Variants in PAPOLG observed in about 807,000 individuals in gnomAD.
The protein encoded by PAPOLG is PAP-gamma.
A neutral mutation model predicts 99.0 loss-of-function variants in PAPOLG; 40 were observed. The ratio of observed to expected loss-of-function variants is 0.40; its 90% CI spans 0.31 to 0.53. The LOEUF (loss-of-function observed/expected upper bound fraction) is 0.53. Among genes scored for constraint, PAPOLG ranks in the 20% least tolerant of loss-of-function variants. The pLI, the probability that PAPOLG is intolerant of heterozygous loss-of-function variation, is 0.41. For synonymous variants in PAPOLG, 310 were observed against 299.3 expected, an observed-to-expected ratio of 1.04 and a Z score of -0.37; for missense variants, 675 against 884.1, an observed-to-expected ratio of 0.76 and a Z score of 3.00.
At chr2:60,761,962 A>C (rs1670533518) in intron 3 of PAPOLG, among the ~76,000 whole-genome samples, 155 bp downstream of exon 3, 1 of 152,206 alleles carries the variant, frequency 6.6e-6, no homozygotes, top group South Asian at 2.1e-4. Flanking sequence ...TTGAATTTCT[A>C]AGTAGATGAG....
chr2:60,781,217 C>T (rs982659293), intron 10 of PAPOLG, among the ~76,000 whole-genome samples: 27 of 152,006 alleles, frequency 1.8e-4, no homozygotes, highest in African/African-American at 5.1e-4. Context: ...ATTAGCCGGG[C>T]GTGGTGGTGC....
At chr2:60,783,669 C>T (rs913049921) in intron 13 of PAPOLG, among the ~76,000 whole-genome samples, 1 of 151,062 alleles carries the variant, frequency 6.6e-6, no homozygotes, top group Non-Finnish European at 1.5e-5. Context: ...CACTTCTATG[C>T]CCTGTGGCTA....
Position 60,771,578 on chromosome 2 carries a change from A to C in PAPOLG, c.552A>C (p.Arg184Ser), listed in dbSNP as rs1424728337. The change falls in exon 7 of 22, where the codon AGA becomes AGC. Residue 184 changes from arginine to serine, a missense_variant. Arg to Ser is a moderately radical substitution (Grantham distance 110). This residue lies in a region of PAPOLG where 113 missense variants were observed against 231.5 expected (regional missense o/e 0.49). Transcript: ENST00000238714. The part of the protein sequence containing the change: ...IQTISDNLDL[R>S]DDSRLRSLDI... ...CCATATCAGATAATTTAGATCTAAGAGACGACTCTCGCCTGAGAAGCCTTG... is the reference window on the plus strand; with the variant it reads ...CCATATCAGATAATTTAGATCTAAGCGACGACTCTCGCCTGAGAAGCCTTG... The C allele has an allele frequency of 6.2e-7, 1 of 1,608,906 alleles. No individual in the cohort carries two copies. Among genetic ancestry groups the C allele is most frequent in the African/African-American group, 1.3e-5 (1 of 74,502 alleles).
chr2:60,764,465 G>A (rs921048715), intron 3 of PAPOLG, among the ~76,000 whole-genome samples: 4 of 150,528 alleles, frequency 2.7e-5, no homozygotes, highest in African/African-American at 9.8e-5. Flanking sequence ...CACCCGGGCT[G>A]GAATGCAGTG....
intron 7 of PAPOLG, among the ~76,000 whole-genome samples, chr2:60,772,712 C>T (rs1670892332): frequency 6.6e-6 from 1 of 152,008 alleles, no homozygotes; most frequent in South Asian, 2.1e-4. Flanking sequence ...CATGCCACCA[C>T]AATCCAGCCA....
At chr2:60,771,818 A>T (rs1670859908) in intron 7 of PAPOLG, among the ~76,000 whole-genome samples, 188 bp downstream of exon 7, 1 of 152,180 alleles carries the variant, frequency 6.6e-6, no homozygotes, top group Non-Finnish European at 1.5e-5. Context: ...GGCTGTGTAT[A>T]TTTATATTAC....
chr2:60,772,915 TTTTTCTTTTC>T (rs565256680), intron 7 of PAPOLG, among the ~76,000 whole-genome samples: 31 of 152,154 alleles, frequency 2.0e-4, no homozygotes, highest in Admixed American at 1.6e-3. Flanking sequence ...CTCACTGGTC[TTTTTCTTTTC>T]TTTTCTTTTC....
chr2:60,777,626 T>C (rs1014309233), intron 8 of PAPOLG, among the ~76,000 whole-genome samples: 1 of 152,234 alleles, frequency 6.6e-6, no homozygotes, highest in Non-Finnish European at 1.5e-5. Context: ...ATCATAACTT[T>C]CAACATGCCT....
intron 6 of PAPOLG, 134 bp from the exon 7 acceptor site, chr2:60,771,385 A>G: frequency 1.0e-6 from 1 of 959,522 alleles, no homozygotes; most frequent in Non-Finnish European, 1.4e-6. Flanking sequence ...GACTGCCTAC[A>G]TAGGCCTATC....
intron 8 of PAPOLG, among the ~76,000 whole-genome samples, chr2:60,777,349 G>A (rs560212852): frequency 6.6e-6 from 1 of 152,206 alleles, no homozygotes; most frequent in South Asian, 2.1e-4. Flanking sequence ...CCAGCTACTC[G>A]GGAAGCTGAG....
chr2:60,778,216 A>G (rs552431124), intron 8 of PAPOLG, among the ~76,000 whole-genome samples: 7 of 152,294 alleles, frequency 4.6e-5, no homozygotes, highest in African/African-American at 1.7e-4. Flanking sequence ...GTGCAATTAT[A>G]GCTCACTGCA....
chr2:60,762,991 C>G (rs1204368319), intron 3 of PAPOLG, among the ~76,000 whole-genome samples: 2 of 151,522 alleles, frequency 1.3e-5, no homozygotes, highest in Non-Finnish European at 2.9e-5. Context: ...GTCACCCAGG[C>G]TATAGTGCAG....
At chr2:60,795,928 T>C (rs1237546725) in intron 21 of PAPOLG, among the ~76,000 whole-genome samples, 1 of 152,002 alleles carries the variant, frequency 6.6e-6, no homozygotes, top group African/African-American at 2.4e-5. Flanking sequence ...AAGAGTGAAA[T>C]GACATATCTG....
At chr2:60,766,081 T>C (rs1420026593) in intron 3 of PAPOLG, among the ~76,000 whole-genome samples, 1 of 152,216 alleles carries the variant, frequency 6.6e-6, no homozygotes, top group East Asian at 1.9e-4. Context: ...ACATTCAAGT[T>C]GAAGTTAATC....
At chr2:60,793,232 CAGT>C (rs1671596979) in intron 17 of PAPOLG, among the ~76,000 whole-genome samples, 1 of 118,784 alleles carries the variant, frequency 8.4e-6, no homozygotes, top group Non-Finnish European at 1.7e-5. Context: ...AAAAAAAAAG[CAGT>C]GGTAAATGTT....
Position 60,794,019 on chromosome 2 carries a change from T to G in PAPOLG, c.1817T>G (p.Ile606Ser). 6.2e-7 allele frequency: 1 copy of G among 1,611,762 alleles called. No individual in the cohort carries two copies. Among genetic ancestry groups the G allele is most frequent in the Non-Finnish European group, 8.5e-7 (1 of 1,177,826 alleles). The change falls in exon 19 of 22, where the codon ATT becomes AGT. Residue 606 changes from isoleucine to serine, a missense_variant. Physicochemically the swap from Ile to Ser is moderately radical, Grantham distance 142. Transcript: ENST00000238714. ...GTATCACCCCCCACTGTGTGTACCA[T>G]TCCTACCGTAGTAGGACGAAATGTC... Reference protein sequence around the residue: ...KTVSPPTVCTIPTVVGRNVIP... With the variant: ...KTVSPPTVCTSPTVVGRNVIP...
chr2:60,780,810 G>A lies in PAPOLG; in HGVS notation c.906+31G>A, dbSNP rs770976001. 13 of 1,527,788 alleles carry A rather than the reference G, an allele frequency of 8.5e-6. No homozygotes were observed. The South Asian group carries it at 1.5e-4, about 17-fold the overall frequency. The allele number at this position is 1,527,788 out of a possible 1,614,324, so 94.6% of individuals were successfully genotyped here. A position where few individuals can be genotyped will look rare whatever the true frequency, so the allele number is the denominator to read the frequency against. ...TGATTTATTATGGAGTTTCTTTAAA[G>A]CTTTTAAGGAAGAGGACATTTCACT... On this transcript the variant is annotated intron_variant, in intron 10 of 21. Coordinates refer to ENST00000238714, the MANE Select transcript of PAPOLG (RefSeq NM_022894.4).
intron 1 of PAPOLG, among the ~76,000 whole-genome samples, chr2:60,756,704 G>A (rs1250728703): frequency 6.6e-6 from 1 of 152,068 alleles, no homozygotes; most frequent in Admixed American, 6.6e-5. Context: ...CGGGGACTCC[G>A]GGAGTCCCCA....
chr2:60,771,706 C>A (rs1214246786), intron 7 of PAPOLG, 76 bp downstream of exon 7: 5 of 1,485,590 alleles, frequency 3.4e-6, no homozygotes, highest in Admixed American at 4.6e-5. Flanking sequence ...GCTGAATTGA[C>A]TATTCAGTTT....
Sources: allele counts gnomAD v4.1 joint callset (sites outside exome capture counted in the v4.1 genomes callset), GRCh38; gene constraint gnomAD v4.1.1; regional missense constraint gnomAD v4.1.1; transcripts MANE v1.5; gene names NCBI Gene and HGNC (gene_info 2026-07-23, HGNC 2026-07-21).